Variants in IRAK2 observed in about 807,000 individuals in gnomAD.
IRAK2 encodes interleukin 1 receptor associated kinase 2, also known as interleukin-1 receptor-associated kinase-like 2.
IRAK2 carries 57 observed loss-of-function variants against 72.0 expected under a neutral mutation model. That is an observed-to-expected ratio of 0.79 (90% CI 0.64 to 0.99). The LOEUF (loss-of-function observed/expected upper bound fraction) is 0.99. IRAK2 is among the 50% of genes least tolerant of loss of function. The pLI, the probability that IRAK2 is intolerant of heterozygous loss-of-function variation, is 0.00. For missense variants in IRAK2, 790 were observed against 794.4 expected (o/e 0.99, Z 0.07); for synonymous variants, 293 against 312.7 (o/e 0.94, Z 0.67).
chr3:10,222,522 G>A (rs911271712), intron 8 of IRAK2, 114 bp from the exon 9 acceptor site: 1 of 808,542 alleles, frequency 1.2e-6, no homozygotes, highest in Non-Finnish European at 2.1e-6. Flanking sequence ...GGTCTTTAGA[G>A]ACCTCAACTT....
intron 4 of IRAK2, among the ~76,000 whole-genome samples, chr3:10,212,857 T>C (rs1338832676): frequency 6.7e-6 from 1 of 148,186 alleles, no homozygotes; most frequent in East Asian, 2.0e-4. Flanking sequence ...CTCCGCCTCC[T>C]GGGTTCACCC....
At chr3:10,180,509 G>A (rs1429868339) in intron 2 of IRAK2, among the ~76,000 whole-genome samples, 2 of 152,130 alleles carry the variant, frequency 1.3e-5, no homozygotes, top group African/African-American at 4.8e-5. Flanking sequence ...GACGCATTGG[G>A]TAAGAGCTCA....
intron 2 of IRAK2, among the ~76,000 whole-genome samples, chr3:10,180,283 G>A (rs1408094018): frequency 1.3e-5 from 2 of 152,078 alleles, no homozygotes; most frequent in African/African-American, 2.4e-5. Context: ...GCCTGGTTCT[G>A]CCCTAGGTTC....
intron 2 of IRAK2, among the ~76,000 whole-genome samples, chr3:10,180,403 T>C (rs898425190): frequency 6.6e-6 from 1 of 152,128 alleles, no homozygotes; most frequent in Non-Finnish European, 1.5e-5. Flanking sequence ...GCAGGCAGGA[T>C]ACAGTGACCA....
chr3:10,232,963 C>T (rs1002450983), intron 10 of IRAK2, among the ~76,000 whole-genome samples: 2 of 152,084 alleles, frequency 1.3e-5, no homozygotes, highest in African/African-American at 4.8e-5. Flanking sequence ...ACTTGGGAGG[C>T]TGAGGTGGGA....
At chr3:10,232,927 A>G (rs1214105365) in intron 10 of IRAK2, among the ~76,000 whole-genome samples, 2 of 152,080 alleles carry the variant, frequency 1.3e-5, no homozygotes, top group Non-Finnish European at 2.9e-5. Context: ...AGCCAAGTAC[A>G]GTAGCATGTG....
intron 1 of IRAK2, among the ~76,000 whole-genome samples, chr3:10,173,016 A>G (rs1266753601): frequency 6.6e-6 from 1 of 151,958 alleles, no homozygotes; most frequent in Non-Finnish European, 1.5e-5. Flanking sequence ...GAATGTAGAT[A>G]GTTTAACACT....
At chr3:10,213,167 A>C in intron 4 of IRAK2, 40 bp from the exon 5 acceptor site, 1 of 1,562,478 alleles carries the variant, frequency 6.4e-7, no homozygotes, top group South Asian at 1.1e-5. Flanking sequence ...AGAAAACGAG[A>C]TTCCATAGTA....
intron 2 of IRAK2, among the ~76,000 whole-genome samples, chr3:10,179,146 A>G (rs17610830): frequency 0.35 from 52,500 of 152,066 alleles, 9,564 homozygotes; most frequent in Admixed American, 0.44. Flanking sequence ...TTCACCTAGC[A>G]AAGACCTTGG....
chr3:10,231,855 G>A (rs542666174), intron 10 of IRAK2, among the ~76,000 whole-genome samples: 5 of 152,140 alleles, frequency 3.3e-5, no homozygotes, highest in Admixed American at 6.5e-5. Context: ...GGCCGGGCAC[G>A]GTGGCTCAAG....
chr3:10,206,348 A>G (rs1697433272), intron 3 of IRAK2, among the ~76,000 whole-genome samples: 1 of 152,148 alleles, frequency 6.6e-6, no homozygotes, highest in Admixed American at 6.5e-5. Context: ...GCAGATAGCC[A>G]GGCTCCCAGC....
chr3:10,192,200 T>C (rs1162888472), intron 2 of IRAK2, among the ~76,000 whole-genome samples: 1 of 152,218 alleles, frequency 6.6e-6, no homozygotes, highest in African/African-American at 2.4e-5. Context: ...TATAGCTGAA[T>C]CACTTTTGTT....
chr3:10,195,456 AGAG>A (rs1697248474), intron 2 of IRAK2, among the ~76,000 whole-genome samples: 1 of 151,870 alleles, frequency 6.6e-6, no homozygotes, highest in South Asian at 2.1e-4. Context: ...GGAGGCTAAG[AGAG>A]GAGGATAGCT....
At chr3:10,174,932 C>CAAAAAAAAAAAA (rs771089899) in intron 1 of IRAK2, among the ~76,000 whole-genome samples, 19 of 143,274 alleles carry the variant, frequency 1.3e-4, no homozygotes, top group African/African-American at 4.8e-4. Flanking sequence ...ATGCCTGTAC[C>CAAAAAAAAAAAA]AAAAAAAAAA....
chr3:10,234,657 G>GAGGTGAGCCTCGCCCGCAGC lies in IRAK2; in HGVS notation c.1472_1473+18dup. ...GCGGAGGCGTAACACCAGCCTGCAG[G>GAGGTGAGCCTCGCCCGCAGC]AGGTGAGCCTCGCCCGCAGCGGCCT... is the stretch of plus-strand genomic sequence containing the variant. On this transcript the variant is annotated frameshift_variant and splice_region_variant, in exon 11 of 13. Coordinates refer to ENST00000256458, the MANE Select transcript of IRAK2 (RefSeq NM_001570.4). LOFTEE classifies it high-confidence loss of function. The GAGGTGAGCCTCGCCCGCAGC allele has an allele frequency of 1.9e-6, 3 of 1,611,724 alleles. No homozygotes were observed. Among genetic ancestry groups the GAGGTGAGCCTCGCCCGCAGC allele is most frequent in the Non-Finnish European group, 2.5e-6 (3 of 1,179,078 alleles).
intron 10 of IRAK2, among the ~76,000 whole-genome samples, chr3:10,229,443 C>G (rs1246284335): frequency 6.6e-6 from 1 of 152,212 alleles, no homozygotes; most frequent in Non-Finnish European, 1.5e-5. Flanking sequence ...TGTATACAGT[C>G]ATGTAACCAC....
intron 3 of IRAK2, 50 bp downstream of exon 3, chr3:10,200,565 G>A (rs1697342873): frequency 1.4e-6 from 2 of 1,476,794 alleles, no homozygotes; most frequent in Non-Finnish European, 9.1e-7. Context: ...TTAAGGAAAT[G>A]AAGATATATC....
intron 1 of IRAK2, among the ~76,000 whole-genome samples, chr3:10,167,157 T>G (rs982723280): frequency 6.6e-6 from 1 of 151,962 alleles, no homozygotes; most frequent in Non-Finnish European, 1.5e-5. Context: ...GTTTCAGGAG[T>G]ACAATTTAGT....
chr3:10,226,802 C>T (rs1053004357), intron 10 of IRAK2, among the ~76,000 whole-genome samples: 11 of 151,732 alleles, frequency 7.2e-5, no homozygotes, highest in Non-Finnish European at 2.9e-5. Flanking sequence ...CAACATTATC[C>T]AGGTGTGGTC....
Sources: allele counts gnomAD v4.1 joint callset (sites outside exome capture counted in the v4.1 genomes callset), GRCh38; gene constraint gnomAD v4.1.1; transcripts MANE v1.5; gene names NCBI Gene and HGNC (gene_info 2026-07-23, HGNC 2026-07-21).